The following PCDHA1 variants were observed in gnomAD, a reference collection of about 807,000 sequenced individuals.
PCDHA1 encodes the protein protocadherin alpha 1, also known as protocadherin alpha-1.
Under a neutral mutation model 61.3 loss-of-function variants are expected in PCDHA1, and 42 were observed. The observed-to-expected ratio is 0.69, with a 90% CI of 0.54 to 0.89. The LOEUF is 0.89. PCDHA1 is among the 40% of genes least tolerant of loss of function. The probability of loss-of-function intolerance (pLI) is 0.00; values close to 1 mark genes in which losing one functional copy is unlikely to be tolerated. For synonymous variants in PCDHA1, 610 were observed against 553.8 expected (o/e 1.10, Z -1.43); for missense variants, 1,256 against 1,235.3 (o/e 1.02, Z -0.25).
At chr5:140,789,859 C>T (rs151324960) in intron 1 of PCDHA1, among the ~76,000 whole-genome samples, 2 of 152,296 alleles carry the variant, frequency 1.3e-5, no homozygotes, top group East Asian at 3.9e-4. Context: ...CGAGGATATC[C>T]AAAAACTTGC....
intron 1 of PCDHA1, chr5:140,822,319 A>C: frequency 6.2e-7 from 1 of 1,614,204 alleles, no homozygotes; most frequent in Non-Finnish European, 8.5e-7. Flanking sequence ...CTTAGATGTT[A>C]AAACAAATGA....
intron 1 of PCDHA1, chr5:140,807,240 T>C: frequency 6.2e-7 from 1 of 1,614,082 alleles, no homozygotes; most frequent in Non-Finnish European, 8.5e-7. Flanking sequence ...CTGCTCTTAC[T>C]TCTTCTCCTC....
Position 141,000,369 on chromosome 5 carries a change from C to CTG in PCDHA1, c.2543-9257_2543-9256insGT, listed in dbSNP as rs1469177188. On this transcript the variant is annotated intron_variant, in intron 3 of 3. Coordinates refer to ENST00000504120, the MANE Select transcript of PCDHA1 (RefSeq NM_018900.4). ...TCTCTCTGTCTCTCTCTGTCTCTCT[C>CTG]TCTCTCTCTCTCTCTCTCTCTCTCT... Among the ~76,000 whole-genome samples, 12 of 35,276 alleles carry CTG rather than the reference C, an allele frequency of 3.4e-4. No individual in the cohort carries two copies. In the East Asian group the frequency reaches 5.7e-3, roughly 17 times the overall value. The allele number at this position is 35,276 out of a possible 152,430, so 23.1% of individuals were successfully genotyped here.
chr5:140,849,102 G>A, intron 1 of PCDHA1: 1 of 1,468,874 alleles, frequency 6.8e-7, no homozygotes, highest in Non-Finnish European at 9.2e-7. Context: ...TTTAGACAGA[G>A]AAGAAACTCC....
chr5:140,877,835 G>A, intron 1 of PCDHA1: 11 of 1,586,326 alleles, frequency 6.9e-6, no homozygotes, highest in Non-Finnish European at 9.4e-6. Context: ...AATCCTCCCA[G>A]TGAAGTAAGT....
At chr5:140,848,871 A>T in intron 1 of PCDHA1, 1 of 1,590,856 alleles carries the variant, frequency 6.3e-7, no homozygotes, top group Non-Finnish European at 8.6e-7. Context: ...GGTGAAGGAC[A>T]TTAACGACAA....
At chr5:140,828,983 A>T in intron 1 of PCDHA1, 1 of 1,614,204 alleles carries the variant, frequency 6.2e-7, no homozygotes, top group Non-Finnish European at 8.5e-7. Context: ...CATAGATCGA[A>T]ATACGGGAGA....
At position 140,843,610 on chromosome 5, in the gene PCDHA1, G is replaced by C; in HGVS notation, c.2394+54926G>C. 5.6e-6 allele frequency: 9 copies of C among 1,595,980 alleles called. 1 individual carries two copies. The highest frequency in any genetic ancestry group is 7.7e-6 in the Non-Finnish European group (9 of 1,165,482). On this transcript the variant is annotated intron_variant, in intron 1 of 3. Transcript: ENST00000504120. Reference sequence around the variant, plus strand: ...CGCAGAGGGTGTGCTCTGGTGAGGGGCCACCGAAGACGGACCTCATGGCCT... The same window carrying C: ...CGCAGAGGGTGTGCTCTGGTGAGGGCCCACCGAAGACGGACCTCATGGCCT...
intron 1 of PCDHA1, chr5:140,805,319 T>C (rs1554123334): frequency 7.9e-7 from 1 of 1,263,688 alleles, no homozygotes; most frequent in Non-Finnish European, 1.0e-6. Flanking sequence ...TTTTTTCCAA[T>C]GTGCTTGATG....
At position 140,821,636 on chromosome 5, in the gene PCDHA1, A is replaced by G. The variant is rs1054964805; in HGVS notation, c.2394+32952A>G. On this transcript the variant is annotated intron_variant, in intron 1 of 3. Coordinates refer to ENST00000504120, the MANE Select transcript of PCDHA1 (RefSeq NM_018900.4). ...GTAGATTTTCCTTAGACAGAAAGGA[A>G]AAGAACCTTCCATTTTTGGCTGTGC... 20 of 1,021,456 alleles carry G rather than the reference A, an allele frequency of 2.0e-5. No individual in the cohort carries two copies. In the African/African-American group the frequency reaches 2.9e-4, roughly 15 times the overall value. 63.3% of individuals were successfully genotyped at this position (1,021,456 alleles called of 1,614,324 possible). A position where few individuals can be genotyped will look rare whatever the true frequency, so the allele number is the denominator to read the frequency against.
chr5:140,850,186 C>T lies in PCDHA1; in HGVS notation c.2394+61502C>T, dbSNP rs2150472009. On this transcript the variant is annotated intron_variant, in intron 1 of 3. Transcript: ENST00000504120. ...CTGGACGAGAACGACAATGCGCCGG[C>T]GCTGCTGACACCTCGGATGAGGGGC... 4.4e-6 allele frequency: 7 copies of T among 1,593,614 alleles called. No homozygotes were observed. In the African/African-American group the frequency reaches 5.4e-5, roughly 12 times the overall value.
chr5:140,959,842 C>G (rs1219308136), intron 1 of PCDHA1, among the ~76,000 whole-genome samples: 2 of 152,118 alleles, frequency 1.3e-5, no homozygotes, highest in African/African-American at 4.8e-5. Context: ...ATGCCTGTAA[C>G]TGCTAAAGGA....
chr5:140,828,462 G>T, intron 1 of PCDHA1: 1 of 1,614,208 alleles, frequency 6.2e-7, no homozygotes, highest in Non-Finnish European at 8.5e-7. Context: ...GTGGAGGTGA[G>T]GGACATTAAC....
Position 140,788,512 on chromosome 5 carries a change from G to A in PCDHA1, c.2222G>A (p.Cys741Tyr). 1 of 1,614,136 alleles carries A rather than the reference G, an allele frequency of 6.2e-7. No individual in the cohort carries two copies. The highest frequency in any genetic ancestry group is 8.5e-7 in the Non-Finnish European group (1 of 1,179,960). Reference protein sequence around the residue: ...AYVPGKPTLVCSSALGSWSNS... With the variant: ...AYVPGKPTLVYSSALGSWSNS... ...GTGCCGGGCAAGCCCACTCTGGTGTGCTCCAGCGCGTTGGGGAGCTGGTCG... is the reference window on the plus strand; with the variant it reads ...GTGCCGGGCAAGCCCACTCTGGTGTACTCCAGCGCGTTGGGGAGCTGGTCG... The change falls in exon 1 of 4, where the codon TGC becomes TAC. Residue 741 changes from cysteine to tyrosine, a missense_variant. Coordinates refer to ENST00000504120, the MANE Select transcript of PCDHA1 (RefSeq NM_018900.4).
At chr5:140,845,294 A>T (rs2150378014) in intron 1 of PCDHA1, among the ~76,000 whole-genome samples, 1 of 149,472 alleles carries the variant, frequency 6.7e-6, no homozygotes, top group African/African-American at 2.4e-5. Flanking sequence ...TATCCTGTCT[A>T]TGTCTACCTG....
At chr5:140,958,868 A>G (rs2095446207) in intron 1 of PCDHA1, among the ~76,000 whole-genome samples, 2 of 152,108 alleles carry the variant, frequency 1.3e-5, no homozygotes, top group Non-Finnish European at 2.9e-5. Context: ...CTGGGTTTAT[A>G]AAAGAATTGA....
At chr5:140,893,327 GT>G (rs2063928643) in intron 1 of PCDHA1, among the ~76,000 whole-genome samples, 1 of 152,164 alleles carries the variant, frequency 6.6e-6, no homozygotes, top group Non-Finnish European at 1.5e-5. Flanking sequence ...CTCCCATACT[GT>G]TTTCCTTAGT....
At chr5:140,802,280 A>C (rs1202505238) in intron 1 of PCDHA1, 8 of 1,614,262 alleles carry the variant, frequency 5.0e-6, no homozygotes, top group Non-Finnish European at 5.9e-6. Context: ...CTGTATTAGA[A>C]GACTCTCCAC....
intron 1 of PCDHA1, chr5:140,876,308 A>G: frequency 6.2e-7 from 1 of 1,614,070 alleles, no homozygotes; most frequent in Non-Finnish European, 8.5e-7. Flanking sequence ...GAAATTTCCT[A>G]TGGGATCAAA....
Sources: allele counts gnomAD v4.1 joint callset (sites outside exome capture counted in the v4.1 genomes callset), GRCh38; gene constraint gnomAD v4.1.1; transcripts MANE v1.5; gene names NCBI Gene and HGNC (gene_info 2026-07-23, HGNC 2026-07-21).